Variants in BEND4 observed in about 807,000 individuals in gnomAD.
The protein encoded by BEND4 is BEN domain containing 4.
Under a neutral mutation model 54.7 loss-of-function variants are expected in BEND4, and 27 were observed. The observed-to-expected ratio is 0.49, with a 90% CI of 0.36 to 0.68. The LOEUF (loss-of-function observed/expected upper bound fraction) is 0.68. BEND4 is among the 30% of genes least tolerant of loss of function. The pLI, the probability that BEND4 is intolerant of heterozygous loss-of-function variation, is 0.00. For synonymous variants in BEND4, 327 were observed against 299.5 expected, an observed-to-expected ratio of 1.09 and a Z score of -0.95; for missense variants, 702 against 697.2, an observed-to-expected ratio of 1.01 and a Z score of -0.08.
chr4:42,127,317 A>G (rs1560577235), intron 3 of BEND4, among the ~76,000 whole-genome samples: 1 of 152,252 alleles, frequency 6.6e-6, no homozygotes, highest in Non-Finnish European at 1.5e-5. Context: ...GTGAACAGTT[A>G]TATGGATATA....
At chr4:42,119,351 G>A (rs1048208420) in intron 5 of BEND4, among the ~76,000 whole-genome samples, 3 of 152,092 alleles carry the variant, frequency 2.0e-5, no homozygotes, top group African/African-American at 4.8e-5. Context: ...TTTTTCAGGT[G>A]TGAACAATGT....
chr4:42,151,994 C>T lies in BEND4; in HGVS notation c.150G>A (p.Pro50=), dbSNP rs755628264. 7.3e-5 allele frequency: 91 copies of T among 1,254,714 alleles called. No individual in the cohort carries two copies. Among genetic ancestry groups the T allele is most frequent in the East Asian group, 9.5e-5 (3 of 31,652 alleles). The allele number at this position is 1,254,714 out of a possible 1,614,324, so 77.7% of individuals were successfully genotyped here. A position where few individuals can be genotyped will look rare whatever the true frequency, so the allele number is the denominator to read the frequency against. The part of the protein sequence containing the change: ...RYERPTLVEL[P]HVRAPPPPPP... ...GGGGCGGCGGGGGCGCCCGCACGTG[C>T]GGCAGCTCCACCAGGGTGGGTCGCT... Residue 50 remains proline (P), a synonymous_variant, in exon 2 of 6, where the codon CCG becomes CCA. Coordinates refer to ENST00000502486, the MANE Select transcript of BEND4 (RefSeq NM_207406.4).
chr4:42,130,247 G>A (rs187881998), intron 3 of BEND4, among the ~76,000 whole-genome samples: 4 of 152,204 alleles, frequency 2.6e-5, no homozygotes, highest in Admixed American at 1.3e-4. Flanking sequence ...TTGGGAGGCC[G>A]AGGCGGGCGG....
rs1276289906 is a variant in BEND4, at chr4:42,125,608, G to A, written c.1121C>T (p.Pro374Leu). 6.2e-7 allele frequency: 1 copy of A among 1,613,650 alleles called. No homozygotes were observed. Among genetic ancestry groups the A allele is most frequent in the Admixed American group, 1.7e-5 (1 of 60,004 alleles). The change falls in exon 4 of 6, where the codon CCA becomes CTA. Residue 374 changes from proline to leucine, a missense_variant. Physicochemically the swap from Pro to Leu is moderately conservative, Grantham distance 98. Transcript: ENST00000502486. ...CTCTGTCGGCTGGTCAGCTGGCTGT[G>A]GTATCAGGAGTTGGTTGTGGTGCTG... is the stretch of plus-strand genomic sequence containing the variant. Reference protein sequence around the residue: ...VLQHHNQLLIPQPADQPTEGS... With the variant: ...VLQHHNQLLILQPADQPTEGS...
intron 2 of BEND4, among the ~76,000 whole-genome samples, chr4:42,149,998 A>C (rs945012803): frequency 3.9e-5 from 6 of 152,222 alleles, no homozygotes; most frequent in African/African-American, 1.2e-4. Context: ...GGAAAACGTC[A>C]ATGAAAATGA....
intron 4 of BEND4, among the ~76,000 whole-genome samples, chr4:42,122,915 T>C (rs1043193019): frequency 5.3e-5 from 8 of 152,164 alleles, no homozygotes; most frequent in African/African-American, 1.9e-4. Context: ...AAGCGATGCT[T>C]TGCTGTGCCC....
In BEND4 at chr4:42,112,140, C is replaced by G. The variant is rs1719596946; in HGVS notation, c.*5378G>C. 6.6e-6 allele frequency: 1 copy of G among 152,182 alleles called. No homozygotes were observed. Among genetic ancestry groups the G allele is most frequent in the Non-Finnish European group, 1.5e-5 (1 of 68,038 alleles). The allele number at this position is 152,182 out of a possible 1,614,324, so 9.4% of individuals were successfully genotyped here. On this transcript the variant is annotated 3_prime_UTR_variant, in exon 6 of 6. Coordinates refer to ENST00000502486, the MANE Select transcript of BEND4 (RefSeq NM_207406.4). Reference sequence around the variant, plus strand: ...GTTGATGGGCTTTGAGAACTGTGCTCCAACTACTGAGGAAGACTGAACTCG... The same window carrying G: ...GTTGATGGGCTTTGAGAACTGTGCTGCAACTACTGAGGAAGACTGAACTCG...
rs1719579639 is a variant in BEND4 at position 42,111,769 on chromosome 4, C to T, written c.*5749G>A. 6.6e-6 allele frequency: 1 copy of T among 152,214 alleles called. No individual in the cohort carries two copies. The highest frequency in any genetic ancestry group is 1.5e-5 in the Non-Finnish European group (1 of 68,038). 9.4% of individuals were successfully genotyped at this position (152,214 alleles called of 1,614,324 possible). A position where few individuals can be genotyped will look rare whatever the true frequency, so the allele number is the denominator to read the frequency against. On this transcript the variant is annotated 3_prime_UTR_variant, in exon 6 of 6. Coordinates refer to ENST00000502486, the MANE Select transcript of BEND4 (RefSeq NM_207406.4). ...TGAATTGAACGTTGGCTACCTGATG[C>T]CCCGGTGCTATTTCTAACATCTAGG...
intron 2 of BEND4, among the ~76,000 whole-genome samples, chr4:42,146,929 A>G (rs1721100372): frequency 1.3e-5 from 2 of 152,214 alleles, no homozygotes; most frequent in African/African-American, 4.8e-5. Context: ...TTTTAAGGGA[A>G]AAAAATCTGA....
In BEND4 at chr4:42,143,778, T is replaced by G; in HGVS notation, c.704A>C (p.Tyr235Ser). The part of the protein sequence containing the change: ...TSDNVDIEMQ[Y>S]MQRKQQTSAF... ...AGAAGTTTGTTGTTTCCTTTGCATA[T>G]ACTGCATCTCTATGTCTACATTGTC... Residue 235 changes from tyrosine (Y) to serine (S), a missense_variant, in exon 3 of 6, where the codon TAT (tyrosine) becomes TCT (serine). Coordinates refer to ENST00000502486, the MANE Select transcript of BEND4 (RefSeq NM_207406.4). 6.2e-7 allele frequency: 1 copy of G among 1,613,060 alleles called. No individual in the cohort carries two copies. The highest frequency in any genetic ancestry group is 8.5e-7 in the Non-Finnish European group (1 of 1,179,364).
chr4:42,131,072 G>C (rs2153145883), intron 3 of BEND4, among the ~76,000 whole-genome samples: 1 of 152,280 alleles, frequency 6.6e-6, no homozygotes, highest in East Asian at 1.9e-4. Context: ...ATTGGGGAGG[G>C]GGGGCAGTGG....
chr4:42,129,842 C>T (rs1365531602), intron 3 of BEND4, among the ~76,000 whole-genome samples: 1 of 152,126 alleles, frequency 6.6e-6, no homozygotes, highest in Admixed American at 6.5e-5. Context: ...GACATAGGCA[C>T]AAGCAAAGAT....
At chr4:42,125,695 C>A (rs764597902) in intron 3 of BEND4, 21 bp from the exon 4 acceptor site, 9 of 1,468,574 alleles carry the variant, frequency 6.1e-6, no homozygotes, top group Middle Eastern at 1.8e-4. Context: ...GAAATGGCAA[C>A]AATTACACAT....
At chr4:42,150,201 A>AG (rs1231972221) in intron 2 of BEND4, among the ~76,000 whole-genome samples, 1 of 152,206 alleles carries the variant, frequency 6.6e-6, no homozygotes, top group Non-Finnish European at 1.5e-5. Context: ...CTCCTTAAGA[A>AG]GGGGGGAAAA....
rs1347725222 is a variant in BEND4 at position 42,151,646 on chromosome 4, A to C, written c.487+11T>G. ...CGTGGCGGGAAGGAAAGTTGTGCGG[A>C]GAGTTGGTACCTGCGCTGAGCTCCA... On this transcript the variant is annotated intron_variant, in intron 2 of 5. Coordinates refer to ENST00000502486, the MANE Select transcript of BEND4 (RefSeq NM_207406.4). The C allele has an allele frequency of 2.8e-6, 4 of 1,433,632 alleles. No individual in the cohort carries two copies. The highest frequency in any genetic ancestry group is 3.6e-6 in the Non-Finnish European group (4 of 1,097,990). The allele number at this position is 1,433,632 out of a possible 1,614,324, so 88.8% of individuals were successfully genotyped here. A position where few individuals can be genotyped will look rare whatever the true frequency, so the allele number is the denominator to read the frequency against.
rs1560572421 is a variant in BEND4 at position 42,114,213 on chromosome 4, T to C, written c.*3305A>G. ...CTCCACAGGCTCCTGACCTACACTA[T>C]CCAATACATATCATTTGAGGGTCAT... is the stretch of plus-strand genomic sequence containing the variant. On this transcript the variant is annotated 3_prime_UTR_variant, in exon 6 of 6. Coordinates refer to ENST00000502486, the MANE Select transcript of BEND4 (RefSeq NM_207406.4). 6.6e-6 allele frequency: 1 copy of C among 152,140 alleles called. No homozygotes were observed. Among genetic ancestry groups the C allele is most frequent in the Non-Finnish European group, 1.5e-5 (1 of 68,052 alleles). The allele number at this position is 152,140 out of a possible 1,614,324, so 9.4% of individuals were successfully genotyped here.
In BEND4 at chr4:42,151,938, G is replaced by C; in HGVS notation, c.206C>G (p.Ser69Cys). 8.0e-7 allele frequency: 1 copy of C among 1,249,644 alleles called. No individual in the cohort carries two copies. Among genetic ancestry groups the C allele is most frequent in the Non-Finnish European group, 1.0e-6 (1 of 995,604 alleles). 77.4% of individuals were successfully genotyped at this position (1,249,644 alleles called of 1,614,324 possible). A position where few individuals can be genotyped will look rare whatever the true frequency, so the allele number is the denominator to read the frequency against. The stretch of plus-strand genomic sequence containing the variant: ...CGGCGGCGGCTCGCTGCTGCTGATG[G>C]AGACGGCGGCGTGCGGCGCGAAGGG... ...PPPFAPHAAV[S>C]ISSSEPPPQQ... The change falls in exon 2 of 6, where the codon TCC becomes TGC. Residue 69 changes from serine (S) to cysteine (C), a missense_variant. Physicochemically the swap from Ser to Cys is moderately radical, Grantham distance 112. Transcript: ENST00000502486.
At chr4:42,121,669 C>T (rs1265259040) in intron 4 of BEND4, among the ~76,000 whole-genome samples, 1 of 152,104 alleles carries the variant, frequency 6.6e-6, no homozygotes, top group Non-Finnish European at 1.5e-5. Context: ...AAAAGATGGG[C>T]AGGGGCCCAG....
Position 42,152,048 on chromosome 4 carries a change from G to A in BEND4, c.96C>T (p.Ser32=), listed in dbSNP as rs1721319351. 8.0e-7 allele frequency: 1 copy of A among 1,251,908 alleles called. No individual in the cohort carries two copies. The highest frequency in any genetic ancestry group is 1.0e-6 in the Non-Finnish European group (1 of 991,056). 77.5% of individuals were successfully genotyped at this position (1,251,908 alleles called of 1,614,324 possible). A position where few individuals can be genotyped will look rare whatever the true frequency, so the allele number is the denominator to read the frequency against. The stretch of plus-strand genomic sequence containing the variant: ...AGCGCTTGGCCAGCGCCGGTCTCTT[G>A]CTGGGGAACGTCTTGAGGACGCTGT... ...SPYSVLKTFP[S]KRPALAKRYE... is the part of the protein sequence containing the mutation. Residue 32 remains serine (S), a synonymous_variant, in exon 2 of 6, where the codon AGC becomes AGT. Coordinates refer to ENST00000502486, the MANE Select transcript of BEND4 (RefSeq NM_207406.4).
Sources: gnomAD v4.1 joint callset for allele counts (sites outside exome capture counted in the v4.1 genomes callset) on GRCh38, gnomAD v4.1.1 for gene constraint, MANE v1.5 for transcripts, NCBI Gene and HGNC (gene_info 2026-07-23, HGNC 2026-07-21) for gene names.